The following WDR7 variants were observed in gnomAD, a reference collection of about 807,000 sequenced individuals.
WDR7 encodes the protein WD repeat-containing protein 7.
WDR7 carries 46 observed loss-of-function variants against 169.4 expected under a neutral mutation model. The ratio of observed to expected loss-of-function variants is 0.27; its 90% CI spans 0.21 to 0.35. The LOEUF is 0.35. Among genes scored for constraint, WDR7 ranks in the 10% least tolerant of loss-of-function variants. The probability of loss-of-function intolerance (pLI) is 1.00; values close to 1 mark genes in which losing one functional copy is unlikely to be tolerated. For missense variants in WDR7, 1,534 were observed against 1,859.3 expected, an observed-to-expected ratio of 0.83 and a Z score of 3.22; for synonymous variants, 612 against 666.8, an observed-to-expected ratio of 0.92 and a Z score of 1.27.
intron 20 of WDR7, among the ~76,000 whole-genome samples, chr18:56,834,657 T>C (rs1267754212): frequency 6.6e-6 from 1 of 152,140 alleles, no homozygotes; most frequent in East Asian, 1.9e-4. Context: ...GTGCAAGTAT[T>C]ACACAACTAT....
chr18:56,716,913 A>G (rs1030867200), intron 12 of WDR7, among the ~76,000 whole-genome samples: 7 of 152,194 alleles, frequency 4.6e-5, no homozygotes, highest in African/African-American at 1.7e-4. Flanking sequence ...CCTAATACCT[A>G]TCAACGTGTC....
intron 21 of WDR7, among the ~76,000 whole-genome samples, chr18:56,909,737 T>A (rs2046528325): frequency 6.6e-6 from 1 of 152,166 alleles, no homozygotes; most frequent in South Asian, 2.1e-4. Flanking sequence ...CACCTTTTAT[T>A]AAAAATGAAG....
chr18:56,767,586 GT>G (rs1211259542), intron 16 of WDR7, among the ~76,000 whole-genome samples: 1 of 152,068 alleles, frequency 6.6e-6, no homozygotes, highest in Non-Finnish European at 1.5e-5. Flanking sequence ...TTGTTTGTTT[GT>G]TTTTGGTTGT....
chr18:56,761,668 CAT>C (rs1030988405), intron 16 of WDR7, among the ~76,000 whole-genome samples: 5 of 151,672 alleles, frequency 3.3e-5, no homozygotes, highest in African/African-American at 4.8e-5. Flanking sequence ...TATCATAACT[CAT>C]ATGGTTTTAT....
chr18:56,668,084 C>T (rs1417169638), intron 1 of WDR7, among the ~76,000 whole-genome samples: 1 of 152,170 alleles, frequency 6.6e-6, no homozygotes, highest in East Asian at 1.9e-4. Context: ...TTTTATCCCT[C>T]TCTGTTATAT....
At chr18:56,947,072 T>C (rs1426015872) in intron 25 of WDR7, among the ~76,000 whole-genome samples, 2 of 152,190 alleles carry the variant, frequency 1.3e-5, no homozygotes, top group African/African-American at 4.8e-5. Context: ...CTTGAAAAAA[T>C]GTAGCACACA....
At chr18:56,824,297 A>G (rs1555696407) in intron 20 of WDR7, among the ~76,000 whole-genome samples, 1 of 152,114 alleles carries the variant, frequency 6.6e-6, no homozygotes, top group Non-Finnish European at 1.5e-5. Flanking sequence ...CTCCCTGTTC[A>G]TTGTACACAC....
At chr18:56,748,474 A>G (rs1452826457) in intron 14 of WDR7, among the ~76,000 whole-genome samples, 1 of 152,184 alleles carries the variant, frequency 6.6e-6, no homozygotes, top group Non-Finnish European at 1.5e-5. Flanking sequence ...GTCTACAGAA[A>G]TATCTTTGAA....
In WDR7 at chr18:56,772,690, T is replaced by G. The variant is rs192243557; in HGVS notation, c.2849-4092T>G. Among the ~76,000 whole-genome samples, 207 of 151,450 alleles carry G rather than the reference T, an allele frequency of 1.4e-3. 1 individual carries two copies. The highest frequency in any genetic ancestry group is 4.8e-3 in the African/African-American group (197 of 41,382). ...ATGACTATTCGTATAGAGATATATA[T>G]CATATAAAATATACCTATATAATAG... On this transcript the variant is annotated intron_variant, in intron 16 of 27. Transcript: ENST00000254442.
chr18:57,009,440 CTAAA>C (rs904872747), intron 26 of WDR7, among the ~76,000 whole-genome samples: 1 of 152,048 alleles, frequency 6.6e-6, no homozygotes, highest in African/African-American at 2.4e-5. Flanking sequence ...GGTTACATGA[CTAAA>C]TAACTTGGTA....
chr18:56,692,140 T>C (rs775825970), intron 9 of WDR7, among the ~76,000 whole-genome samples: 4 of 152,202 alleles, frequency 2.6e-5, no homozygotes, highest in Non-Finnish European at 4.4e-5. Flanking sequence ...ATAAACATAG[T>C]GACAGATATA....
chr18:56,742,266 G>A (rs77315318), intron 14 of WDR7, among the ~76,000 whole-genome samples: 2,130 of 152,254 alleles, frequency 0.014, 41 homozygotes, highest in African/African-American at 0.047. Context: ...GGGAGTGCTA[G>A]GTGGATTAAA....
At chr18:56,774,462 G>A (rs2044211779) in intron 16 of WDR7, among the ~76,000 whole-genome samples, 2 of 152,110 alleles carry the variant, frequency 1.3e-5, no homozygotes, top group African/African-American at 2.4e-5. Context: ...TGTTGAAGCT[G>A]TGCTACAGCT....
At chr18:56,679,489 A>C in intron 3 of WDR7, 51 bp downstream of exon 3, 1 of 1,363,870 alleles carries the variant, frequency 7.3e-7, no homozygotes, top group South Asian at 1.3e-5. Context: ...TATAACTAGC[A>C]CCAATGCCTT....
At chr18:56,997,202 T>G (rs536243989) in intron 26 of WDR7, among the ~76,000 whole-genome samples, 15 of 152,352 alleles carry the variant, frequency 9.8e-5, no homozygotes, top group Admixed American at 6.5e-4. Flanking sequence ...AAACAACATA[T>G]TCTTCTCCAT....
chr18:56,997,843 C>T (rs2145876909), intron 26 of WDR7, among the ~76,000 whole-genome samples: 1 of 152,272 alleles, frequency 6.6e-6, no homozygotes, highest in East Asian at 1.9e-4. Context: ...AGAAGGTAAT[C>T]AGCCTTTCTC....
At chr18:56,891,304 G>A (rs1253313685) in intron 21 of WDR7, among the ~76,000 whole-genome samples, 2 of 151,962 alleles carry the variant, frequency 1.3e-5, no homozygotes, top group East Asian at 1.9e-4. Context: ...GCTTGGTTTC[G>A]AATCTTGGTA....
intron 26 of WDR7, among the ~76,000 whole-genome samples, chr18:56,979,186 T>C (rs1427834393): frequency 6.6e-6 from 1 of 152,190 alleles, no homozygotes; most frequent in Non-Finnish European, 1.5e-5. Flanking sequence ...ATTTGCAGTC[T>C]ATATACTCCT....
chr18:56,974,869 G>A (rs1166665296), intron 26 of WDR7, among the ~76,000 whole-genome samples: 1 of 152,190 alleles, frequency 6.6e-6, no homozygotes, highest in Non-Finnish European at 1.5e-5. Context: ...CAGTGCTCCA[G>A]TAGAATGTGA....
Sources: allele counts gnomAD v4.1 joint callset (sites outside exome capture counted in the v4.1 genomes callset), GRCh38; gene constraint gnomAD v4.1.1; transcripts MANE v1.5; gene names NCBI Gene and HGNC (gene_info 2026-07-23, HGNC 2026-07-21).